Variants in MTOR observed in about 807,000 individuals in gnomAD.
The protein encoded by MTOR is serine/threonine-protein kinase mTOR.
Under a neutral mutation model 319.8 loss-of-function variants are expected in MTOR, and 70 were observed. That is an observed-to-expected ratio of 0.22 (90% confidence interval 0.18 to 0.27). The LOEUF (loss-of-function observed/expected upper bound fraction) is 0.27. MTOR is among the 10% of genes least tolerant of loss of function. MTOR has a pLI of 1.00. For synonymous variants in MTOR, 1,183 were observed against 1,211.4 expected (o/e 0.98, Z 0.49); for missense variants, 1,890 against 3,274.4 (o/e 0.58, Z 10.32).
intron 13 of MTOR, among the ~76,000 whole-genome samples, chr1:11,236,140 T>A (rs113004873): frequency 0.022 from 3,336 of 148,466 alleles, 49 homozygotes; most frequent in Non-Finnish European, 0.034. Context: ...TTTTTTCCTT[T>A]TTTTTTTTTT....
intron 18 of MTOR, 26 bp from the exon 19 acceptor site, chr1:11,228,944 A>G (rs776108912): frequency 1.9e-6 from 3 of 1,610,868 alleles, no homozygotes; most frequent in Non-Finnish European, 1.7e-6. Context: ...AGAGAGTGTT[A>G]GAGCTACACA....
At chr1:11,149,688 G>C (rs924124011) in intron 31 of MTOR, among the ~76,000 whole-genome samples, 38 of 152,226 alleles carry the variant, frequency 2.5e-4, no homozygotes, top group African/African-American at 9.1e-4. Context: ...ATCTGAAGTG[G>C]GGCGATATTT....
Position 11,247,686 on chromosome 1 carries a change from G to A in MTOR, c.1164C>T (p.Ile388=). 1 of 1,614,188 alleles carries A rather than the reference G, an allele frequency of 6.2e-7. No homozygotes were observed. The highest frequency in any genetic ancestry group is 8.5e-7 in the Non-Finnish European group (1 of 1,180,038). The change falls in exon 8 of 58, where the codon ATC becomes ATT. Residue 388 remains isoleucine (I), a synonymous_variant. Coordinates refer to ENST00000361445, the MANE Select transcript of MTOR (RefSeq NM_004958.4). The part of the protein sequence containing the change: ...LKCRNSKNSL[I]QMTILNLLPR... Reference sequence around the variant, plus strand: ...GCAACAAATTAAGGATTGTCATTTGGATCAGCGAGTTCTTGCTATTCCTGC... The same window carrying A: ...GCAACAAATTAAGGATTGTCATTTGAATCAGCGAGTTCTTGCTATTCCTGC...
intron 6 of MTOR, 131 bp downstream of exon 6, chr1:11,253,708 T>G: frequency 1.9e-6 from 2 of 1,041,424 alleles, no homozygotes; most frequent in South Asian, 3.1e-5. Context: ...CTATCTGAAA[T>G]TATCTTATTT....
chr1:11,114,301 C>A lies in MTOR; in HGVS notation c.7300+17G>T, dbSNP rs1343501329. 1.9e-6 allele frequency: 3 copies of A among 1,613,006 alleles called. No homozygotes were observed. Among genetic ancestry groups the A allele is most frequent in the East Asian group, 2.2e-5 (1 of 44,874 alleles). On this transcript the variant is annotated intron_variant, in intron 53 of 57. Transcript: ENST00000361445. ...TGAGCCACTGAGCTCAGCTCCCAGG[C>A]ACTTGATGATACTCACTGTCCATCA...
At position 11,128,637 on chromosome 1, in the gene MTOR, T is replaced by G. The variant is rs1642967977; in HGVS notation, c.5812-85A>C. 2 of 1,352,894 alleles carry G rather than the reference T, an allele frequency of 1.5e-6. No homozygotes were observed. Among genetic ancestry groups the G allele is most frequent in the South Asian group, 1.2e-5 (1 of 83,002 alleles). The allele number at this position is 1,352,894 out of a possible 1,614,324, so 83.8% of individuals were successfully genotyped here. ...CTAGGCAAAGATCAATTCTTTTAAC[T>G]TGTTTCGGTTGATGCTCTGAAATGG... On this transcript the variant is annotated intron_variant, in intron 41 of 57. Coordinates refer to ENST00000361445, the MANE Select transcript of MTOR (RefSeq NM_004958.4). This position sits in a 1 kb window ranked among gnomAD's most constrained non-coding sequence, Gnocchi z 5.3.
At chr1:11,246,210 A>C (rs962531757) in intron 8 of MTOR, among the ~76,000 whole-genome samples, 1 of 152,212 alleles carries the variant, frequency 6.6e-6, no homozygotes, top group Non-Finnish European at 1.5e-5. Flanking sequence ...ACAAACACCC[A>C]CATCAAAAGA....
chr1:11,134,140 T>C (rs952866006), intron 37 of MTOR, among the ~76,000 whole-genome samples: 1 of 151,786 alleles, frequency 6.6e-6, no homozygotes, highest in Non-Finnish European at 1.5e-5. Flanking sequence ...GAACAGCACA[T>C]GGGTGCTCTT....
chr1:11,138,453 T>A (rs182051619), intron 36 of MTOR, among the ~76,000 whole-genome samples: 1 of 152,382 alleles, frequency 6.6e-6, no homozygotes, highest in Admixed American at 6.5e-5. Flanking sequence ...ACAGCCACTC[T>A]GATTCAGTCA....
intron 28 of MTOR, among the ~76,000 whole-genome samples, chr1:11,177,791 C>T (rs558987704): frequency 5.9e-5 from 9 of 151,704 alleles, no homozygotes; most frequent in Admixed American, 3.9e-4. Flanking sequence ...GGAATGGGGG[C>T]GCGTGTGCAA....
intron 19 of MTOR, among the ~76,000 whole-genome samples, chr1:11,217,488 C>T (rs1646508710): frequency 1.3e-5 from 2 of 151,450 alleles, no homozygotes; most frequent in African/African-American, 4.9e-5. Context: ...CGGGTTCAAG[C>T]CTCCCGGGTT....
At position 11,106,863 on chromosome 1, in the gene MTOR, T is replaced by C. The variant is rs1641602394; in HGVS notation, c.*622A>G. 2 of 1,337,778 alleles carry C rather than the reference T, an allele frequency of 1.5e-6. No homozygotes were observed. Among genetic ancestry groups the C allele is most frequent in the Non-Finnish European group, 2.0e-6 (2 of 1,022,952 alleles). The allele number at this position is 1,337,778 out of a possible 1,614,324, so 82.9% of individuals were successfully genotyped here. ...TGCCAGCGATCTGAATAAACCTCCC[T>C]ACTAGCGGTCAGGTCTTGAATTGAA... On this transcript the variant is annotated 3_prime_UTR_variant, in exon 58 of 58. Transcript: ENST00000361445.
At chr1:11,249,175 G>C (rs1360849834) in intron 6 of MTOR, among the ~76,000 whole-genome samples, 1 of 147,998 alleles carries the variant, frequency 6.8e-6, no homozygotes, top group Non-Finnish European at 1.5e-5. Context: ...AGTGAGCCGA[G>C]ATCACACCAA....
intron 34 of MTOR, among the ~76,000 whole-genome samples, chr1:11,140,893 G>T (rs1210261599): frequency 1.4e-5 from 2 of 147,644 alleles, no homozygotes; most frequent in African/African-American, 5.0e-5. Context: ...ATGTAAAGAA[G>T]TTTAAAAATT....
chr1:11,216,280 GA>G (rs1412763487), intron 19 of MTOR, 46 bp from the exon 20 acceptor site: 2 of 1,455,132 alleles, frequency 1.4e-6, no homozygotes, highest in South Asian at 1.1e-5. Flanking sequence ...GAAGGACATT[GA>G]ACCCCCAGGC....
chr1:11,218,754 T>C (rs1216835582), intron 19 of MTOR, among the ~76,000 whole-genome samples: 2 of 152,176 alleles, frequency 1.3e-5, no homozygotes, highest in Non-Finnish European at 2.9e-5. Flanking sequence ...TCTTCTTCCT[T>C]AGCCTTTCAC....
intron 46 of MTOR, among the ~76,000 whole-genome samples, chr1:11,125,175 TGTGGGG>T (rs1455930504): frequency 6.6e-6 from 1 of 152,048 alleles, no homozygotes. Flanking sequence ...AGTTCTGGAG[TGTGGGG>T]GTGGGTGAGG....
intron 54 of MTOR, among the ~76,000 whole-genome samples, chr1:11,111,311 T>G (rs1032827528): frequency 1.3e-5 from 2 of 151,704 alleles, no homozygotes; most frequent in Non-Finnish European, 1.5e-5. Context: ...AAACCCTATC[T>G]CTACTAAAAA....
At chr1:11,240,833 T>C (rs1382326654) in intron 10 of MTOR, among the ~76,000 whole-genome samples, 1 of 152,180 alleles carries the variant, frequency 6.6e-6, no homozygotes, top group Admixed American at 6.5e-5. Flanking sequence ...TTAAGAACAC[T>C]GTCCTTATTT....
Sources: gnomAD v4.1 joint callset for allele counts (sites outside exome capture counted in the v4.1 genomes callset) on GRCh38, gnomAD v4.1.1 for gene constraint, Gnocchi (gnomAD v3.1) non-coding constraint, MANE v1.5 for transcripts, NCBI Gene and HGNC (gene_info 2026-07-23, HGNC 2026-07-21) for gene names.